The following ROBO1 variants were observed in gnomAD, a reference collection of about 807,000 sequenced individuals.
ROBO1 encodes roundabout guidance receptor 1.
A neutral mutation model predicts 195.9 loss-of-function variants in ROBO1; 149 were observed. That is an observed-to-expected ratio of 0.76 (90% CI 0.67 to 0.87). The LOEUF is 0.87. ROBO1 is among the 40% of genes least tolerant of loss of function. The pLI, the probability that ROBO1 is intolerant of heterozygous loss-of-function variation, is 0.00. For synonymous variants in ROBO1, 816 were observed against 733.2 expected (o/e 1.11, Z -1.82); for missense variants, 1,933 against 2,068.3 (o/e 0.93, Z 1.27).
At chr3:79,168,696 G>C (rs1369961913) in intron 2 of ROBO1, among the ~76,000 whole-genome samples, 4 of 152,038 alleles carry the variant, frequency 2.6e-5, no homozygotes, top group African/African-American at 9.7e-5. Context: ...TATTTACTTA[G>C]TTAGGCAACA....
chr3:78,884,866 C>CTGTGTGTGTGTGTGTG lies in ROBO1; in HGVS notation c.499+53719_499+53734dup, dbSNP rs376764608. ...ACTCTCTCTCTCTCTCTCTCTCTTTCTGTGTGTGTGTGTGTGTGTGTGTGT... is the reference window on the plus strand; with the variant it reads ...ACTCTCTCTCTCTCTCTCTCTCTTTCTGTGTGTGTGTGTGTGTGTGTGTGTGTGTGTGTGTGTGTGT... On this transcript the variant is annotated intron_variant, in intron 4 of 30. Transcript: ENST00000464233. Among the ~76,000 whole-genome samples, 833 of 147,270 alleles carry CTGTGTGTGTGTGTGTG rather than the reference C, an allele frequency of 5.7e-3. 9 individuals carry two copies. Among genetic ancestry groups the CTGTGTGTGTGTGTGTG allele is most frequent in the African/African-American group, 0.018 (702 of 39,826 alleles).
chr3:79,749,854 G>T (rs961289831), intron 1 of ROBO1, among the ~76,000 whole-genome samples: 1 of 152,242 alleles, frequency 6.6e-6, no homozygotes, highest in Non-Finnish European at 1.5e-5. Flanking sequence ...CACTGCTAGG[G>T]CAGTGTGGAA....
intron 1 of ROBO1, among the ~76,000 whole-genome samples, chr3:79,741,484 G>A (rs1323128200): frequency 1.3e-5 from 2 of 152,058 alleles, no homozygotes; most frequent in African/African-American, 2.4e-5. Flanking sequence ...AAATTATCCT[G>A]TAAACAAGAG....
intron 1 of ROBO1, among the ~76,000 whole-genome samples, chr3:79,687,261 A>G (rs890832921): frequency 1.7e-5 from 2 of 119,554 alleles, no homozygotes; most frequent in Non-Finnish European, 3.6e-5. Flanking sequence ...AACCATAAAA[A>G]CCCTAGAAGA....
intron 8 of ROBO1, among the ~76,000 whole-genome samples, chr3:78,692,214 A>T (rs1402356677): frequency 2.0e-5 from 3 of 151,948 alleles, no homozygotes; most frequent in Non-Finnish European, 4.4e-5. Flanking sequence ...GAACAATCCA[A>T]CCTATCTGTA....
chr3:79,657,611 G>A (rs1946206405), intron 1 of ROBO1, among the ~76,000 whole-genome samples: 1 of 151,958 alleles, frequency 6.6e-6, no homozygotes, highest in African/African-American at 2.4e-5. Context: ...AAAATAAGGA[G>A]AATGGCACCA....
At chr3:79,018,536 GCCACACA>G (rs2078015076) in intron 3 of ROBO1, 3 of 1,595,908 alleles carry the variant, frequency 1.9e-6, no homozygotes. Flanking sequence ...AATGTATGAA[GCCACACA>G]CCACACACAA....
intron 4 of ROBO1, among the ~76,000 whole-genome samples, chr3:78,845,984 T>A (rs960426510): frequency 4.6e-5 from 7 of 152,158 alleles, no homozygotes; most frequent in African/African-American, 7.2e-5. Context: ...CTCTGAAACA[T>A]TGAAACCTGG....
intron 4 of ROBO1, among the ~76,000 whole-genome samples, chr3:78,816,983 AT>A (rs1473955639): frequency 2.0e-4 from 4 of 20,290 alleles, no homozygotes; most frequent in Non-Finnish European, 3.5e-3. Context: ...TTAAAGTATA[AT>A]AAAAAAAATA....
At chr3:79,306,580 C>G (rs1265446228) in intron 2 of ROBO1, among the ~76,000 whole-genome samples, 1 of 152,170 alleles carries the variant, frequency 6.6e-6, no homozygotes, top group Non-Finnish European at 1.5e-5. Context: ...ACAAAAGAAA[C>G]CCAAAGTGCT....
At chr3:78,734,275 G>A (rs1215388951) in intron 5 of ROBO1, among the ~76,000 whole-genome samples, 2 of 151,960 alleles carry the variant, frequency 1.3e-5, no homozygotes, top group African/African-American at 4.8e-5. Context: ...ACTAACATGT[G>A]AGTGGAACTA....
At chr3:79,109,030 A>C (rs2079837529) in intron 3 of ROBO1, among the ~76,000 whole-genome samples, 1 of 151,902 alleles carries the variant, frequency 6.6e-6, no homozygotes, top group Non-Finnish European at 1.5e-5. Context: ...TTAAAACAGA[A>C]AAAATTAGTT....
chr3:79,720,434 G>T (rs6803083), intron 1 of ROBO1, among the ~76,000 whole-genome samples: 93,214 of 151,936 alleles, frequency 0.61, 29,139 homozygotes, highest in East Asian at 0.91. Flanking sequence ...CAGTTCCAGT[G>T]GATTCTGACT....
intron 3 of ROBO1, among the ~76,000 whole-genome samples, chr3:79,105,504 T>C (rs1455010830): frequency 6.6e-6 from 1 of 151,736 alleles, no homozygotes; most frequent in Admixed American, 6.6e-5. Flanking sequence ...ATTTGGTAAG[T>C]TTACTTAACC....
At chr3:79,286,371 T>G (rs547904989) in intron 2 of ROBO1, among the ~76,000 whole-genome samples, 1 of 152,280 alleles carries the variant, frequency 6.6e-6, no homozygotes, top group South Asian at 2.1e-4. Context: ...AACACCATCT[T>G]TCGAATGTCC....
intron 1 of ROBO1, among the ~76,000 whole-genome samples, chr3:79,597,721 C>A (rs1210013505): frequency 6.6e-6 from 1 of 151,840 alleles, no homozygotes; most frequent in Non-Finnish European, 1.5e-5. Flanking sequence ...CAAAATGAGG[C>A]AAGAAAGGCA....
At chr3:79,258,251 G>A (rs150492359) in intron 2 of ROBO1, among the ~76,000 whole-genome samples, 2 of 152,154 alleles carry the variant, frequency 1.3e-5, no homozygotes, top group Non-Finnish European at 2.9e-5. Flanking sequence ...ACCACACAAT[G>A]TTTTACTTCT....
chr3:79,643,857 C>T (rs987843373), intron 1 of ROBO1, among the ~76,000 whole-genome samples: 1 of 151,996 alleles, frequency 6.6e-6, no homozygotes, highest in African/African-American at 2.4e-5. Context: ...AGAAGTAAGT[C>T]CTTACTTATC....
At chr3:78,802,467 C>T (rs1335507589) in intron 4 of ROBO1, among the ~76,000 whole-genome samples, 1 of 152,106 alleles carries the variant, frequency 6.6e-6, no homozygotes, top group Non-Finnish European at 1.5e-5. Flanking sequence ...ACTGAAATAT[C>T]TCTGTACTAA....
Sources: allele counts gnomAD v4.1 joint callset (sites outside exome capture counted in the v4.1 genomes callset), GRCh38; gene constraint gnomAD v4.1.1; transcripts MANE v1.5; gene names NCBI Gene and HGNC (gene_info 2026-07-23, HGNC 2026-07-21).